The following TRPM3 variants were observed in gnomAD, a reference collection of about 807,000 sequenced individuals.
TRPM3 encodes the protein transient receptor potential cation channel subfamily M member 3, also known as long transient receptor potential channel 3.
TRPM3 carries 77 observed loss-of-function variants against 181.2 expected under a neutral mutation model. The ratio of observed to expected loss-of-function variants is 0.42; its 90% CI spans 0.35 to 0.51. TRPM3 has a LOEUF of 0.51. Among genes scored for constraint, TRPM3 ranks in the 20% least tolerant of loss-of-function variants. TRPM3 has a pLI of 0.01. For missense variants in TRPM3, 1,759 were observed against 2,196.7 expected, an observed-to-expected ratio of 0.80 and a Z score of 3.98; for synonymous variants, 745 against 796.4, an observed-to-expected ratio of 0.94 and a Z score of 1.09.
At chr9:71,094,596 CA>C (rs1272554076) in intron 1 of TRPM3, among the ~76,000 whole-genome samples, 1 of 152,140 alleles carries the variant, frequency 6.6e-6, no homozygotes, top group African/African-American at 2.4e-5. Flanking sequence ...GTTCAAACCT[CA>C]GCTCTACCAT....
At chr9:70,931,377 C>T (rs1437541581) in intron 1 of TRPM3, among the ~76,000 whole-genome samples, 1 of 152,070 alleles carries the variant, frequency 6.6e-6, no homozygotes, top group Non-Finnish European at 1.5e-5. Context: ...ATTCAGGGTG[C>T]ATTTCAAGAA....
At chr9:70,928,447 C>T (rs866302113) in intron 1 of TRPM3, among the ~76,000 whole-genome samples, 1 of 152,126 alleles carries the variant, frequency 6.6e-6, no homozygotes, top group African/African-American at 2.4e-5. Context: ...AATGTGGAAA[C>T]CTGATCCCAA....
At chr9:70,689,637 G>A (rs972958710) in intron 8 of TRPM3, among the ~76,000 whole-genome samples, 3 of 151,842 alleles carry the variant, frequency 2.0e-5, no homozygotes, top group African/African-American at 7.2e-5. Flanking sequence ...CTATTTTTTT[G>A]AGACTTGATA....
intron 1 of TRPM3, among the ~76,000 whole-genome samples, chr9:70,875,689 C>A (rs1460675703): frequency 5.3e-5 from 8 of 151,886 alleles, no homozygotes; most frequent in Non-Finnish European, 1.2e-4. Context: ...TAAATCAAAT[C>A]TTGAAGATCA....
At position 70,923,923 on chromosome 9, in the gene TRPM3, TACACAC is replaced by T. The variant is rs1268266981; in HGVS notation, c.178-59418_178-59413del. On this transcript the variant is annotated intron_variant, in intron 1 of 25. Transcript: ENST00000677713. ...ATACACACACACATATATACATATA[TACACAC>T]ATATATACATATATATATACACACA... is the stretch of plus-strand genomic sequence containing the variant. 2.7e-3 allele frequency among the ~76,000 whole-genome samples: 281 copies of T among 104,984 alleles called. 9 individuals are homozygous for T. In the East Asian group the frequency reaches 0.095, roughly 36 times the overall value. The allele number at this position is 104,984 out of a possible 152,430, so 68.9% of individuals were successfully genotyped here. A position where few individuals can be genotyped will look rare whatever the true frequency, so the allele number is the denominator to read the frequency against.
intron 1 of TRPM3, among the ~76,000 whole-genome samples, chr9:71,169,328 G>T (rs956490218): frequency 6.6e-6 from 1 of 152,176 alleles, no homozygotes; most frequent in African/African-American, 2.4e-5. Flanking sequence ...TTCACCAACG[G>T]TTGGAAACAG....
intron 1 of TRPM3, among the ~76,000 whole-genome samples, chr9:70,913,507 T>C (rs1268776479): frequency 6.6e-6 from 1 of 152,214 alleles, no homozygotes; most frequent in Admixed American, 6.5e-5. Flanking sequence ...TTGTTTATAA[T>C]GTCCAAGTTC....
chr9:70,832,447 C>T (rs567345778), intron 5 of TRPM3, among the ~76,000 whole-genome samples: 4 of 152,272 alleles, frequency 2.6e-5, no homozygotes, highest in South Asian at 4.2e-4. Context: ...TGAGAGAATT[C>T]TTGCCTCATT....
chr9:71,020,608 G>A (rs988923347), intron 1 of TRPM3, among the ~76,000 whole-genome samples: 3 of 152,170 alleles, frequency 2.0e-5, no homozygotes, highest in African/African-American at 7.2e-5. Flanking sequence ...AGAACTAGCT[G>A]GAAAACATAT....
At chr9:71,350,742 G>C (rs560305773) in intron 1 of TRPM3, among the ~76,000 whole-genome samples, 14 of 152,236 alleles carry the variant, frequency 9.2e-5, no homozygotes, top group African/African-American at 3.4e-4. Flanking sequence ...GAAATTGCCA[G>C]CTCTGTCATC....
At chr9:71,304,660 C>T (rs1157326918) in intron 1 of TRPM3, among the ~76,000 whole-genome samples, 1 of 152,214 alleles carries the variant, frequency 6.6e-6, no homozygotes, top group Non-Finnish European at 1.5e-5. Context: ...AAATAAAGTA[C>T]TAAAAATTAG....
At chr9:70,775,326 A>G (rs1300614726) in intron 7 of TRPM3, 2 of 152,194 alleles carry the variant, frequency 1.3e-5, no homozygotes, top group East Asian at 3.9e-4. Flanking sequence ...TAGAAATTAA[A>G]TGGGTAAAGA....
chr9:71,369,711 T>C (rs1046646071), intron 1 of TRPM3, among the ~76,000 whole-genome samples: 1 of 152,218 alleles, frequency 6.6e-6, no homozygotes, highest in Non-Finnish European at 1.5e-5. Context: ...ATCGGGGTTA[T>C]GGTTGACTAG....
chr9:71,137,020 G>C (rs987601568), intron 1 of TRPM3, among the ~76,000 whole-genome samples: 1 of 152,168 alleles, frequency 6.6e-6, no homozygotes, highest in Non-Finnish European at 1.5e-5. Context: ...TCTAGCATCT[G>C]TGTAGAAAAT....
At chr9:71,309,783 A>C (rs943289466) in intron 1 of TRPM3, among the ~76,000 whole-genome samples, 1 of 152,264 alleles carries the variant, frequency 6.6e-6, no homozygotes, top group African/African-American at 2.4e-5. Context: ...ATTCATTTCA[A>C]CTAAAATGCC....
At chr9:70,552,246 C>A (rs1588264326) in intron 24 of TRPM3, among the ~76,000 whole-genome samples, 1 of 152,156 alleles carries the variant, frequency 6.6e-6, no homozygotes, top group African/African-American at 2.4e-5. Context: ...AAACCTCCTG[C>A]AGTGTGTGGC....
At chr9:71,121,959 T>C (rs2073701095), upstream of TRPM3, among the ~76,000 whole-genome samples, 1 of 152,228 alleles carries the variant, frequency 6.6e-6, no homozygotes, top group South Asian at 2.1e-4. Flanking sequence ...CTGAGGTTTT[T>C]ATTAACCGTG....
intron 1 of TRPM3, among the ~76,000 whole-genome samples, chr9:71,272,277 A>G (rs1232244532): frequency 1.3e-5 from 2 of 152,216 alleles, no homozygotes; most frequent in Non-Finnish European, 2.9e-5. Context: ...GGTGACTGTA[A>G]TTGCACATAG....
At chr9:70,944,864 T>C (rs1339275592) in intron 1 of TRPM3, among the ~76,000 whole-genome samples, 4 of 151,050 alleles carry the variant, frequency 2.6e-5, no homozygotes, top group East Asian at 1.9e-4. Flanking sequence ...TCCCATTGCA[T>C]AGAGACAGAC....
Sources: gnomAD v4.1 joint callset for allele counts (sites outside exome capture counted in the v4.1 genomes callset) on GRCh38, gnomAD v4.1.1 for gene constraint, MANE v1.5 for transcripts, NCBI Gene and HGNC (gene_info 2026-07-23, HGNC 2026-07-21) for gene names.